Variants in EYS observed in about 807,000 individuals in gnomAD.
The protein encoded by EYS is EGF-like photoreceptor maintenance factor.
EYS carries 250 observed loss-of-function variants against 282.1 expected under a neutral mutation model. The ratio of observed to expected loss-of-function variants is 0.89; its 90% CI spans 0.80 to 0.98. The LOEUF is 0.98. Ranked by LOEUF, EYS falls within the 50% of genes least tolerant of loss-of-function variation. EYS has a pLI of 0.00. For missense variants in EYS, 4,016 were observed against 3,709.0 expected (o/e 1.08, Z -2.15); for synonymous variants, 1,355 against 1,282.9 (o/e 1.06, Z -1.20).
chr6:64,407,898 A>T (rs1773772186), intron 28 of EYS, among the ~76,000 whole-genome samples: 2 of 151,950 alleles, frequency 1.3e-5, no homozygotes, highest in South Asian at 2.1e-4. Context: ...CGCCCAGCTA[A>T]TTTTTTGTAT....
At chr6:65,602,385 A>C (rs929299591) in intron 2 of EYS, among the ~76,000 whole-genome samples, 2 of 151,978 alleles carry the variant, frequency 1.3e-5, no homozygotes, top group African/African-American at 4.8e-5. Flanking sequence ...CATGAAATTT[A>C]ATTTTTTACT....
intron 31 of EYS, among the ~76,000 whole-genome samples, chr6:64,159,891 T>C (rs1775051893): frequency 6.6e-6 from 1 of 152,208 alleles, no homozygotes; most frequent in African/African-American, 2.4e-5. Context: ...CTATGCTTGT[T>C]ACAGGTTTCC....
rs137988977 is a variant in EYS at position 65,383,770 on chromosome 6, T to C, written c.1299+616A>G. 4.3e-3 allele frequency among the ~76,000 whole-genome samples: 659 copies of C among 152,008 alleles called. 5 individuals are homozygous for C. The highest frequency in any genetic ancestry group is 0.015 in the African/African-American group (606 of 41,522). ...TAAGTATTAATACATATAGCTATTGTCTATTCATTTTAACTAGTTTTTATA... is the reference window on the plus strand; with the variant it reads ...TAAGTATTAATACATATAGCTATTGCCTATTCATTTTAACTAGTTTTTATA... On this transcript the variant is annotated intron_variant, in intron 8 of 42. Coordinates refer to ENST00000503581, the MANE Select transcript of EYS (RefSeq NM_001142800.2).
At chr6:64,784,761 C>T (rs558218296) in intron 22 of EYS, among the ~76,000 whole-genome samples, 131 of 152,186 alleles carry the variant, frequency 8.6e-4, no homozygotes, top group Non-Finnish European at 1.4e-3. Flanking sequence ...TTCAAATTCT[C>T]GGGTTTTTTT....
chr6:65,552,497 A>T (rs1554209857), intron 2 of EYS, among the ~76,000 whole-genome samples: 1 of 151,534 alleles, frequency 6.6e-6, no homozygotes, highest in Non-Finnish European at 1.5e-5. Context: ...TTAAACTGCA[A>T]TTTTTTTTTC....
At chr6:64,206,820 A>G (rs1765622685) in intron 31 of EYS, among the ~76,000 whole-genome samples, 1 of 152,164 alleles carries the variant, frequency 6.6e-6, no homozygotes, top group South Asian at 2.1e-4. Flanking sequence ...TTCCTCCAAA[A>G]AACATGTTAA....
chr6:64,014,296 AT>A (rs951580196), intron 33 of EYS, among the ~76,000 whole-genome samples: 46 of 147,664 alleles, frequency 3.1e-4, no homozygotes, highest in South Asian at 4.3e-4. Flanking sequence ...TGTCCCTGCC[AT>A]TTTTTTTTTT....
At chr6:64,138,707 G>GT (rs1425198083) in intron 31 of EYS, among the ~76,000 whole-genome samples, 3 of 152,202 alleles carry the variant, frequency 2.0e-5, no homozygotes, top group East Asian at 3.9e-4. Context: ...TAATTGTGCT[G>GT]TTTTTTCAAC....
At chr6:65,198,960 A>G (rs955579062) in intron 12 of EYS, among the ~76,000 whole-genome samples, 1 of 152,060 alleles carries the variant, frequency 6.6e-6, no homozygotes, top group African/African-American at 2.4e-5. Context: ...ATAGGGAAAC[A>G]TGTTATGATG....
chr6:65,263,581 A>C (rs940997426), intron 12 of EYS, among the ~76,000 whole-genome samples: 2 of 152,132 alleles, frequency 1.3e-5, no homozygotes, highest in Admixed American at 1.3e-4. Flanking sequence ...GAGGAATCAA[A>C]AGTAATTTAT....
intron 16 of EYS, among the ~76,000 whole-genome samples, chr6:64,911,446 A>G (rs1473042931): frequency 6.6e-6 from 1 of 152,128 alleles, no homozygotes; most frequent in Admixed American, 6.5e-5. Context: ...ATCCTTAAAA[A>G]ACATTAACAT....
At chr6:65,051,993 C>T (rs905818900) in intron 13 of EYS, among the ~76,000 whole-genome samples, 22 of 151,538 alleles carry the variant, frequency 1.5e-4, no homozygotes, top group Admixed American at 7.9e-4. Context: ...AAGTAAGACA[C>T]TTCCTCAATT....
chr6:64,716,071 G>A (rs1027311870), intron 22 of EYS, among the ~76,000 whole-genome samples: 2 of 152,340 alleles, frequency 1.3e-5, no homozygotes, highest in Non-Finnish European at 2.9e-5. Context: ...AGACGTGTGA[G>A]TTAAGGGTGT....
chr6:64,152,635 G>A (rs1191039393), intron 31 of EYS, among the ~76,000 whole-genome samples: 2 of 152,126 alleles, frequency 1.3e-5, no homozygotes, highest in African/African-American at 4.8e-5. Flanking sequence ...GCAATCAAAT[G>A]ACATTTTCAG....
At chr6:64,143,062 C>T (rs1289140662) in intron 31 of EYS, among the ~76,000 whole-genome samples, 2 of 152,036 alleles carry the variant, frequency 1.3e-5, no homozygotes, top group Non-Finnish European at 2.9e-5. Flanking sequence ...ATGAAAGAAG[C>T]CAGTGGAAAA....
At chr6:65,471,862 TA>T (rs1207317784) in intron 5 of EYS, among the ~76,000 whole-genome samples, 4 of 152,126 alleles carry the variant, frequency 2.6e-5, no homozygotes, top group Non-Finnish European at 4.4e-5. Flanking sequence ...TATTTCATAA[TA>T]TTTTTCATGG....
chr6:64,932,376 T>A (rs1333317635), intron 15 of EYS, among the ~76,000 whole-genome samples: 2 of 152,032 alleles, frequency 1.3e-5, no homozygotes, highest in Non-Finnish European at 2.9e-5. Flanking sequence ...AAATTCACTC[T>A]TATAAAAAAC....
At chr6:65,637,072 C>T (rs181387556) in intron 2 of EYS, among the ~76,000 whole-genome samples, 98 of 152,238 alleles carry the variant, frequency 6.4e-4, no homozygotes, top group African/African-American at 2.2e-3. Context: ...TCCACCTCTG[C>T]GTCTAAGATT....
At chr6:64,816,711 A>G (rs1046490848) in intron 21 of EYS, among the ~76,000 whole-genome samples, 1 of 152,118 alleles carries the variant, frequency 6.6e-6, no homozygotes, top group African/African-American at 2.4e-5. Flanking sequence ...TTTCTAATAA[A>G]CACACAAGTA....
Sources: gnomAD v4.1 joint callset for allele counts (sites outside exome capture counted in the v4.1 genomes callset) on GRCh38, gnomAD v4.1.1 for gene constraint, MANE v1.5 for transcripts, NCBI Gene and HGNC (gene_info 2026-07-23, HGNC 2026-07-21) for gene names.